Variants in PDE4D observed in about 807,000 individuals in gnomAD.
The protein encoded by PDE4D is phosphodiesterase 4D, also known as 3',5'-cyclic-AMP phosphodiesterase 4D.
In PDE4D, 24 loss-of-function variants were observed where a neutral mutation model predicts 87.4. The ratio of observed to expected loss-of-function variants is 0.27; its 90% CI spans 0.20 to 0.39. PDE4D has a LOEUF of 0.39. Among genes scored for constraint, PDE4D ranks in the 10% least tolerant of loss-of-function variants. PDE4D has a pLI of 1.00. For synonymous variants in PDE4D, 384 were observed against 383.2 expected (o/e 1.00, Z -0.02); for missense variants, 714 against 1,041.0 (o/e 0.69, Z 4.32).
At chr5:60,360,983 C>A (rs75879880) in intron 1 of PDE4D, among the ~76,000 whole-genome samples, 1,779 of 152,286 alleles carry the variant, frequency 0.012, 37 homozygotes, top group African/African-American at 0.04. Flanking sequence ...TCATTATGAA[C>A]ATCACTATCG....
chr5:59,184,629 C>G (rs970320590), intron 4 of PDE4D, among the ~76,000 whole-genome samples: 1 of 151,876 alleles, frequency 6.6e-6, no homozygotes, highest in African/African-American at 2.4e-5. Context: ...TTACTTTTAT[C>G]TTTTTAGATT....
intron 5 of PDE4D, among the ~76,000 whole-genome samples, chr5:59,115,671 G>T (rs1488237008): frequency 6.6e-6 from 1 of 152,082 alleles, no homozygotes; most frequent in East Asian, 1.9e-4. Context: ...AGAAGAAAGG[G>T]GACACTATTA....
At chr5:60,355,018 T>C (rs997040110) in intron 1 of PDE4D, among the ~76,000 whole-genome samples, 1 of 152,182 alleles carries the variant, frequency 6.6e-6, no homozygotes, top group African/African-American at 2.4e-5. Flanking sequence ...AGATGAGAAT[T>C]ATGGAAATGC....
intron 2 of PDE4D, among the ~76,000 whole-genome samples, chr5:60,055,523 C>G (rs1770676719): frequency 6.6e-6 from 1 of 152,060 alleles, no homozygotes; most frequent in African/African-American, 2.4e-5. Flanking sequence ...AAAGACTAAG[C>G]CTTCTACACA....
intron 2 of PDE4D, among the ~76,000 whole-genome samples, chr5:60,106,601 G>T (rs201781573): frequency 6.7e-6 from 1 of 149,918 alleles, no homozygotes; most frequent in Non-Finnish European, 1.5e-5. Flanking sequence ...TGACCACATA[G>T]TTGGAAGTAA....
intron 1 of PDE4D, among the ~76,000 whole-genome samples, chr5:60,507,012 G>A (rs1490792944): frequency 6.6e-6 from 1 of 152,080 alleles, no homozygotes; most frequent in African/African-American, 2.4e-5. Context: ...TAAACAAATT[G>A]TGATTATGCT....
At chr5:60,324,685 G>A (rs1260501661) in intron 1 of PDE4D, among the ~76,000 whole-genome samples, 1 of 152,152 alleles carries the variant, frequency 6.6e-6, no homozygotes, top group Non-Finnish European at 1.5e-5. Context: ...TGTGTAGACT[G>A]TGAAGTTAGC....
Position 59,588,466 on chromosome 5 carries a change from G to A in PDE4D, c.455+304702C>T, listed in dbSNP as rs377109070. ...CTTAGGTATTTAAAAAGGCTTTTAC[G>A]CAATTGCTTGATATTAAATGGAATA... On this transcript the variant is annotated intron_variant, in intron 1 of 14. Coordinates refer to ENST00000340635, the MANE Select transcript of PDE4D (RefSeq NM_001104631.2). 5.9e-5 allele frequency among the ~76,000 whole-genome samples: 9 copies of A among 152,162 alleles called. No homozygotes were observed. In the South Asian group the frequency reaches 1.3e-3, roughly 21 times the overall value.
In PDE4D at chr5:59,205,698, A is replaced by ACACG. The variant is rs748608669; in HGVS notation, c.647+10078_647+10079insCGTG. Among the ~76,000 whole-genome samples the ACACG allele has an allele frequency of 1.8e-3, 262 of 145,550 alleles. 5 individuals carry two copies. Among genetic ancestry groups the ACACG allele is most frequent in the Middle Eastern group, 7.1e-3 (2 of 282 alleles). ...CACACACACACACACACACACACACACCAATCCACAAAAACAAAACTGATC... is the reference window on the plus strand; with the variant it reads ...CACACACACACACACACACACACACACACGCCAATCCACAAAAACAAAACTGATC... On this transcript the variant is annotated intron_variant, in intron 2 of 14. Coordinates refer to ENST00000340635, the MANE Select transcript of PDE4D (RefSeq NM_001104631.2).
intron 1 of PDE4D, among the ~76,000 whole-genome samples, chr5:59,243,135 A>T (rs1277018382): frequency 2.6e-5 from 4 of 152,150 alleles, no homozygotes; most frequent in African/African-American, 9.7e-5. Flanking sequence ...TTTACTATAG[A>T]GTCGTATAAG....
At chr5:60,506,541 T>C (rs112084561) in intron 1 of PDE4D, among the ~76,000 whole-genome samples, 5,679 of 152,086 alleles carry the variant, frequency 0.037, 148 homozygotes, top group Middle Eastern at 0.1. Flanking sequence ...AATTATATTC[T>C]GAGCAGAGGA....
At chr5:59,713,486 A>G (rs1754514811) in intron 1 of PDE4D, among the ~76,000 whole-genome samples, 1 of 152,216 alleles carries the variant, frequency 6.6e-6, no homozygotes, top group Non-Finnish European at 1.5e-5. Context: ...CAGACAGTAA[A>G]GGCACGTTGA....
chr5:59,346,110 T>C (rs1218981032), intron 1 of PDE4D, among the ~76,000 whole-genome samples: 1 of 152,228 alleles, frequency 6.6e-6, no homozygotes, highest in African/African-American at 2.4e-5. Context: ...TAAGAGTTTA[T>C]ATTGTATAAT....
At chr5:59,829,219 C>CT (rs951147117) in intron 1 of PDE4D, among the ~76,000 whole-genome samples, 3 of 151,762 alleles carry the variant, frequency 2.0e-5, no homozygotes, top group East Asian at 1.9e-4. Context: ...CAGGAAAACA[C>CT]TTTTTTTGTG....
intron 2 of PDE4D, among the ~76,000 whole-genome samples, chr5:59,204,190 G>C (rs1328870187): frequency 1.5e-5 from 2 of 131,778 alleles, no homozygotes; most frequent in Non-Finnish European, 3.1e-5. Flanking sequence ...CCCCATCTTT[G>C]ACCAAAAAAA....
intron 1 of PDE4D, among the ~76,000 whole-genome samples, chr5:59,826,766 C>CT (rs1770378313): frequency 6.6e-6 from 1 of 151,964 alleles, no homozygotes; most frequent in African/African-American, 2.4e-5. Context: ...GAAAAGACTG[C>CT]TTTTTTAATA....
At chr5:60,509,114 G>T (rs925669730) in intron 1 of PDE4D, among the ~76,000 whole-genome samples, 2 of 152,072 alleles carry the variant, frequency 1.3e-5, no homozygotes, top group African/African-American at 4.8e-5. Context: ...TGGCCAGGCT[G>T]GTCTCATGCA....
intron 1 of PDE4D, among the ~76,000 whole-genome samples, chr5:59,685,010 C>A (rs1749620506): frequency 6.6e-6 from 1 of 152,094 alleles, no homozygotes; most frequent in Non-Finnish European, 1.5e-5. Context: ...ATTTCTAATC[C>A]CATTTTGGCA....
At chr5:60,225,225 G>T (rs537423533) in intron 1 of PDE4D, among the ~76,000 whole-genome samples, 2 of 151,986 alleles carry the variant, frequency 1.3e-5, no homozygotes, top group Non-Finnish European at 1.5e-5. Flanking sequence ...CATGTCAAGA[G>T]GATCTTCATC....
Sources: allele counts gnomAD v4.1 joint callset (sites outside exome capture counted in the v4.1 genomes callset), GRCh38; gene constraint gnomAD v4.1.1; transcripts MANE v1.5; gene names NCBI Gene and HGNC (gene_info 2026-07-23, HGNC 2026-07-21).